The following CTSE variants were observed in gnomAD, a reference collection of about 807,000 sequenced individuals.
The protein encoded by CTSE is erythrocyte membrane aspartic proteinase.
Under a neutral mutation model 42.8 loss-of-function variants are expected in CTSE, and 43 were observed. The ratio of observed to expected loss-of-function variants is 1.01; its 90% CI spans 0.79 to 1.30. The LOEUF (loss-of-function observed/expected upper bound fraction) is 1.30, where lower values mean the gene tolerates loss of function less well. CTSE is among the 50% of genes most tolerant of loss of function. CTSE has a pLI of 0.00. For synonymous variants in CTSE, 205 were observed against 191.5 expected (o/e 1.07, Z -0.58); for missense variants, 532 against 493.5 (o/e 1.08, Z -0.74).
intron 8 of CTSE, among the ~76,000 whole-genome samples, chr1:206,010,747 GT>G (rs1293281450): frequency 1.3e-5 from 2 of 152,076 alleles, no homozygotes; most frequent in Non-Finnish European, 2.9e-5. Context: ...GCTCAGCTTA[GT>G]TTTTGTTAAG....
At position 206,016,133 on chromosome 1, in the gene CTSE, G is replaced by C; in HGVS notation, c.463-3C>G. On this transcript the variant is annotated splice_region_variant and splice_polypyrimidine_tract_variant and intron_variant, in intron 4 of 8. Transcript: ENST00000358184. ...CCAACCACGGTTAGTCCTTCCACCT[G>C]GTAGGAGAAAGCCCACAGGAGAACA... 3 of 1,613,338 alleles carry C rather than the reference G, an allele frequency of 1.9e-6. No homozygotes were observed. The highest frequency in any genetic ancestry group is 2.5e-6 in the Non-Finnish European group (3 of 1,179,524).
chr1:206,016,192 T>C (rs782311734), intron 4 of CTSE, 62 bp from the exon 5 acceptor site: 3 of 1,493,508 alleles, frequency 2.0e-6, no homozygotes, highest in African/African-American at 2.7e-5. Flanking sequence ...GGCAAAGGGT[T>C]TGACTCCTGG....
rs782318913 is a variant in CTSE, at chr1:206,012,371, C to T, written c.963G>A (p.Pro321=). ...AVECANLNVM[P]DVTFTINGVP... Reference sequence around the variant, plus strand: ...CTCCGTTAATGGTGAAGGTGACATCCGGCATGACGTTAAGGTTGGCACACT... The same window carrying T: ...CTCCGTTAATGGTGAAGGTGACATCTGGCATGACGTTAAGGTTGGCACACT... Residue 321 remains proline (P), a synonymous_variant, in exon 8 of 9, where the codon CCG becomes CCA. Transcript: ENST00000358184. The T allele has an allele frequency of 1.1e-5, 18 of 1,613,834 alleles. No individual in the cohort carries two copies. The highest frequency in any genetic ancestry group is 1.6e-4 in the Middle Eastern group (1 of 6,084).
chr1:206,016,103 G>C lies in CTSE; in HGVS notation c.490C>G (p.Gln164Glu), dbSNP rs1474902381. Reference sequence around the variant, plus strand: ...GGCTCTGTGACACTTTCTCCAAACTGCTGGCCAACCACGGTTAGTCCTTCC... The same window carrying C: ...GGCTCTGTGACACTTTCTCCAAACTCCTGGCCAACCACGGTTAGTCCTTCC... ...SVEGLTVVGQ[Q>E]FGESVTEPGQ... is the part of the protein sequence containing the mutation. The change falls in exon 5 of 9, where the codon CAG (glutamine) becomes GAG (glutamate). Residue 164 changes from glutamine (Q) to glutamate (E), a missense_variant. Gln to Glu is a conservative substitution (Grantham distance 29, BLOSUM62 2). Coordinates refer to ENST00000358184, the MANE Select transcript of CTSE (RefSeq NM_001910.4). 2.5e-6 allele frequency: 4 copies of C among 1,613,798 alleles called. No individual in the cohort carries two copies. Among genetic ancestry groups the C allele is most frequent in the Non-Finnish European group, 3.4e-6 (4 of 1,179,914 alleles).
chr1:206,019,123 T>C (rs1189355175), intron 4 of CTSE, among the ~76,000 whole-genome samples: 1 of 152,062 alleles, frequency 6.6e-6, no homozygotes, highest in Non-Finnish European at 1.5e-5. Flanking sequence ...CAGGGTTTGA[T>C]AAGAGAAGCA....
At chr1:206,020,819 C>T (rs553741657) in intron 4 of CTSE, among the ~76,000 whole-genome samples, 7 of 152,186 alleles carry the variant, frequency 4.6e-5, no homozygotes, top group Admixed American at 4.6e-4. Flanking sequence ...GCACTGGGCA[C>T]TGCTTCCTGC....
In CTSE at chr1:206,021,101, A is replaced by T; in HGVS notation, c.410T>A (p.Ile137Asn). 1 of 1,613,794 alleles carries T rather than the reference A, an allele frequency of 6.2e-7. No homozygotes were observed. The highest frequency in any genetic ancestry group is 1.1e-5 in the South Asian group (1 of 91,076). ...TYSQPGQSFS[I>N]QYGTGSLSGI... Reference sequence around the variant, plus strand: ...GGACAAGCTCCCGGTTCCATACTGAATGGAGAAAGATTGACCTGGCTGGCT... The same window carrying T: ...GGACAAGCTCCCGGTTCCATACTGATTGGAGAAAGATTGACCTGGCTGGCT... Residue 137 changes from isoleucine (I) to asparagine (N), a missense_variant, in exon 4 of 9, where the codon ATT (isoleucine) becomes AAT (asparagine). Transcript: ENST00000358184.
At chr1:206,015,452 G>A (rs1046057076) in intron 5 of CTSE, among the ~76,000 whole-genome samples, 5 of 152,076 alleles carry the variant, frequency 3.3e-5, no homozygotes, top group African/African-American at 1.2e-4. Flanking sequence ...CTATGTTGTA[G>A]CATGTCTCAG....
intron 4 of CTSE, among the ~76,000 whole-genome samples, chr1:206,016,627 G>A (rs1011340702): frequency 8.6e-5 from 13 of 151,962 alleles, no homozygotes; most frequent in African/African-American, 2.9e-4. Flanking sequence ...GTGTAAGGTA[G>A]GAATTAAGAT....
rs782563185 is a variant in CTSE at position 206,013,762 on chromosome 1, G to T, written c.785+10C>A. On this transcript the variant is annotated intron_variant, in intron 6 of 8. Coordinates refer to ENST00000358184, the MANE Select transcript of CTSE (RefSeq NM_001910.4). ...CCTAGTACTGTCACTACTTCATGGG[G>T]AATACTCACTTATCCAGTGCAATCT... 5 of 1,613,046 alleles carry T rather than the reference G, an allele frequency of 3.1e-6. No homozygotes were observed. Among genetic ancestry groups the T allele is most frequent in the Non-Finnish European group, 4.2e-6 (5 of 1,179,408 alleles).
At chr1:206,023,406 G>A (rs532247257) in intron 1 of CTSE, among the ~76,000 whole-genome samples, 4 of 152,048 alleles carry the variant, frequency 2.6e-5, no homozygotes, top group African/African-American at 9.6e-5. Context: ...GACAGTGATG[G>A]TCAGTCCCCT....
In CTSE at chr1:206,016,289, A is replaced by G. The variant is rs147724207; in HGVS notation, c.463-159T>C. ...AAAGATGCTTGCTATATTCCCAAAA[A>G]ACAGGACATTCCAAACCTCAGAAGC... On this transcript the variant is annotated intron_variant, in intron 4 of 8. Transcript: ENST00000358184. 2.1e-4 allele frequency: 144 copies of G among 674,782 alleles called. No individual in the cohort carries two copies. In the East Asian group the frequency reaches 3.7e-3, roughly 18 times the overall value. The allele number at this position is 674,782 out of a possible 1,614,324, so 41.8% of individuals were successfully genotyped here.
In CTSE at chr1:206,009,948, T is replaced by C. The variant is rs899803746; in HGVS notation, c.*235A>G. 5.9e-6 allele frequency: 3 copies of C among 512,486 alleles called. No homozygotes were observed. The allele number at this position is 512,486 out of a possible 1,614,324, so 31.7% of individuals were successfully genotyped here. Reference sequence around the variant, plus strand: ...AAAATCAATACAAAATATGAATGTATAACGTAATTCCTCCATCATGACGGT... The same window carrying C: ...AAAATCAATACAAAATATGAATGTACAACGTAATTCCTCCATCATGACGGT... On this transcript the variant is annotated 3_prime_UTR_variant, in exon 9 of 9. Transcript: ENST00000358184.
In CTSE at chr1:206,012,426, A is replaced by G; in HGVS notation, c.928-20T>C. On this transcript the variant is annotated intron_variant, in intron 7 of 8. Coordinates refer to ENST00000358184, the MANE Select transcript of CTSE (RefSeq NM_001910.4). ...AGCATACTAAAACCCAATACGGAGG[A>G]TCCGTTTAGAGCCTTGCCACCTCCC... The G allele has an allele frequency of 6.2e-7, 1 of 1,613,656 alleles. No homozygotes were observed. The highest frequency in any genetic ancestry group is 2.2e-5 in the East Asian group (1 of 44,874).
intron 4 of CTSE, among the ~76,000 whole-genome samples, chr1:206,017,752 C>T (rs1661301578): frequency 1.3e-5 from 2 of 152,068 alleles, no homozygotes; most frequent in Non-Finnish European, 2.9e-5. Flanking sequence ...GCTGGGATTA[C>T]AGGCGTGAGC....
intron 4 of CTSE, among the ~76,000 whole-genome samples, chr1:206,019,834 TTA>T: frequency 7.6e-6 from 1 of 132,368 alleles, no homozygotes; most frequent in Non-Finnish European, 1.6e-5. Context: ...TGTTAATCTA[TTA>T]TATAATAGGT....
chr1:206,022,067 GC>G lies in CTSE; in HGVS notation c.343+82del, dbSNP rs1396426067. On this transcript the variant is annotated intron_variant, in intron 3 of 8. Coordinates refer to ENST00000358184, the MANE Select transcript of CTSE (RefSeq NM_001910.4). ...GGGATGGCCAGTTTCTGGAACCTAA[GC>G]CCCCCTTCCCCAGAGTACCAGGCTT... 4 of 909,724 alleles carry G rather than the reference GC, an allele frequency of 4.4e-6. 1 individual carries two copies. Among genetic ancestry groups the G allele is most frequent in the African/African-American group, 3.4e-5 (2 of 59,628 alleles). 56.4% of individuals were successfully genotyped at this position (909,724 alleles called of 1,614,324 possible).
At chr1:206,018,346 A>G (rs1276037458) in intron 4 of CTSE, among the ~76,000 whole-genome samples, 6 of 152,148 alleles carry the variant, frequency 3.9e-5, no homozygotes, top group Admixed American at 6.5e-5. Context: ...TTTTGCATCT[A>G]TATTCATGAG....
At position 206,016,009 on chromosome 1, in the gene CTSE, C is replaced by G; in HGVS notation, c.584G>C (p.Gly195Ala). 1 of 1,613,902 alleles carries G rather than the reference C, an allele frequency of 6.2e-7. No individual in the cohort carries two copies. Among genetic ancestry groups the G allele is most frequent in the Non-Finnish European group, 8.5e-7 (1 of 1,179,900 alleles). Residue 195 changes from glycine (G) to alanine (A), a missense_variant, in exon 5 of 9, where the codon GGA (glycine) becomes GCA (alanine). Transcript: ENST00000358184. ...GTTGTCAAATACTGGAGTCACTCCT[C>G]CCACAGCCAAGGAGGGGTATCCCAG... ...LGLGYPSLAVGGVTPVFDNMM... is the reference protein window; with the variant it reads ...LGLGYPSLAVAGVTPVFDNMM...
Sources: allele counts gnomAD v4.1 joint callset (sites outside exome capture counted in the v4.1 genomes callset), GRCh38; gene constraint gnomAD v4.1.1; transcripts MANE v1.5; gene names NCBI Gene and HGNC (gene_info 2026-07-23, HGNC 2026-07-21).